SNTG1: variants seen among roughly 807,000 people sequenced by gnomAD.
The protein encoded by SNTG1 is gamma-1-syntrophin.
Under a neutral mutation model 74.7 loss-of-function variants are expected in SNTG1, and 39 were observed. The observed-to-expected ratio is 0.52, with a 90% CI of 0.40 to 0.68. The LOEUF (loss-of-function observed/expected upper bound fraction) is 0.68, where lower values mean the gene tolerates loss of function less well. Among genes scored for constraint, SNTG1 ranks in the 30% least tolerant of loss-of-function variants. The pLI is 0.00. For missense variants in SNTG1, 685 were observed against 609.5 expected, an observed-to-expected ratio of 1.12 and a Z score of -1.30; for synonymous variants, 254 against 217.1, an observed-to-expected ratio of 1.17 and a Z score of -1.49.
At chr8:50,543,617 C>T (rs1180098510) in intron 11 of SNTG1, among the ~76,000 whole-genome samples, 5 of 151,936 alleles carry the variant, frequency 3.3e-5, no homozygotes, top group Non-Finnish European at 7.4e-5. Context: ...AGGTTGCTTC[C>T]GGTTTTTGAT....
At chr8:50,660,602 T>A (rs2095217694) in intron 15 of SNTG1, among the ~76,000 whole-genome samples, 1 of 152,086 alleles carries the variant, frequency 6.6e-6, no homozygotes, top group South Asian at 2.1e-4. Context: ...ATACAACTTT[T>A]ATCATAGTAA....
At chr8:50,150,604 G>A (rs1047155499) in intron 1 of SNTG1, among the ~76,000 whole-genome samples, 1 of 152,128 alleles carries the variant, frequency 6.6e-6, no homozygotes, top group African/African-American at 2.4e-5. Context: ...TTAGCATGAA[G>A]GGTTGTTGAA....
At chr8:50,279,886 C>T (rs1335695947) in intron 2 of SNTG1, among the ~76,000 whole-genome samples, 1 of 152,174 alleles carries the variant, frequency 6.6e-6, no homozygotes, top group Non-Finnish European at 1.5e-5. Flanking sequence ...TCAATGCCTT[C>T]CCCACTGATA....
chr8:50,031,237 G>A (rs1020986044), intron 1 of SNTG1, among the ~76,000 whole-genome samples: 3 of 151,880 alleles, frequency 2.0e-5, no homozygotes, highest in Non-Finnish European at 4.4e-5. Context: ...AGGTCCTTAA[G>A]CATACAATTC....
intron 13 of SNTG1, among the ~76,000 whole-genome samples, chr8:50,640,288 T>C (rs2095064261): frequency 6.6e-6 from 1 of 152,124 alleles, no homozygotes; most frequent in African/African-American, 2.4e-5. Context: ...ATTCTGAACA[T>C]AGTACAGGTT....
chr8:50,036,008 G>T (rs775962227), intron 1 of SNTG1, among the ~76,000 whole-genome samples: 1 of 152,070 alleles, frequency 6.6e-6, no homozygotes, highest in Non-Finnish European at 1.5e-5. Context: ...AATCAATCCT[G>T]CAAAATTAAA....
intron 17 of SNTG1, among the ~76,000 whole-genome samples, chr8:50,750,075 A>G (rs6473336): frequency 1.3e-5 from 2 of 151,864 alleles, no homozygotes; most frequent in Admixed American, 6.6e-5. Context: ...ATTACATTAT[A>G]TATGATTCAT....
At chr8:50,185,655 T>C (rs1228316979) in intron 2 of SNTG1, among the ~76,000 whole-genome samples, 3 of 152,176 alleles carry the variant, frequency 2.0e-5, no homozygotes, top group Non-Finnish European at 2.9e-5. Context: ...ATATGTTAAT[T>C]GGTTAAGAGA....
chr8:49,934,377 T>C (rs1271243233), intron 1 of SNTG1, among the ~76,000 whole-genome samples: 1 of 152,118 alleles, frequency 6.6e-6, no homozygotes, highest in African/African-American at 2.4e-5. Context: ...TCATATCATT[T>C]TTGTAATATT....
At chr8:50,381,077 A>G (rs1044758025) in intron 2 of SNTG1, 1 of 152,142 alleles carries the variant, frequency 6.6e-6, no homozygotes, top group African/African-American at 2.4e-5. Flanking sequence ...ATCAAAGATG[A>G]GGTAGGGGAC....
At chr8:50,634,773 C>T (rs745914320) in intron 13 of SNTG1, among the ~76,000 whole-genome samples, 3 of 152,144 alleles carry the variant, frequency 2.0e-5, no homozygotes, top group Middle Eastern at 3.2e-3. Context: ...CACCACAAGT[C>T]AAAGTAGTGA....
At chr8:50,649,356 G>A (rs529426184) in intron 13 of SNTG1, among the ~76,000 whole-genome samples, 35 of 152,176 alleles carry the variant, frequency 2.3e-4, no homozygotes, top group Non-Finnish European at 2.8e-4. Context: ...AAAATTAGCC[G>A]GACGTTATGG....
intron 2 of SNTG1, among the ~76,000 whole-genome samples, chr8:50,192,371 T>A (rs1028760746): frequency 6.6e-6 from 1 of 152,172 alleles, no homozygotes; most frequent in Non-Finnish European, 1.5e-5. Flanking sequence ...GCCCATTTTG[T>A]TGTTACACCA....
chr8:49,992,907 T>C (rs1813825837), intron 1 of SNTG1, among the ~76,000 whole-genome samples: 2 of 152,226 alleles, frequency 1.3e-5, no homozygotes, highest in Admixed American at 6.5e-5. Context: ...ATAATTATAT[T>C]TTGATTTTGC....
At chr8:50,204,892 C>A (rs763404461) in intron 2 of SNTG1, among the ~76,000 whole-genome samples, 1 of 152,138 alleles carries the variant, frequency 6.6e-6, no homozygotes, top group Admixed American at 6.6e-5. Flanking sequence ...CTACAAAGGA[C>A]GTGAACTCAT....
intron 1 of SNTG1, among the ~76,000 whole-genome samples, chr8:50,077,823 C>T (rs1822030797): frequency 6.6e-6 from 1 of 152,056 alleles, no homozygotes; most frequent in Non-Finnish European, 1.5e-5. Context: ...TGTGTAAGCA[C>T]ATGTATGCAT....
chr8:50,764,204 A>T (rs2095607627), intron 18 of SNTG1, among the ~76,000 whole-genome samples: 1 of 151,894 alleles, frequency 6.6e-6, no homozygotes. Context: ...TGGTCTGGGC[A>T]ATGACTTTTT....
intron 15 of SNTG1, among the ~76,000 whole-genome samples, chr8:50,687,005 G>C (rs1398527136): frequency 6.6e-6 from 1 of 151,134 alleles, no homozygotes; most frequent in Non-Finnish European, 1.5e-5. Context: ...CGCAGTGGCG[G>C]GCGCCTGTAG....
chr8:50,236,430 C>T (rs193264583), intron 2 of SNTG1, among the ~76,000 whole-genome samples: 2 of 150,488 alleles, frequency 1.3e-5, no homozygotes, highest in East Asian at 2.0e-4. Context: ...TGAATGTTTA[C>T]AGAAACTTTT....
Sources: gnomAD v4.1 joint callset for allele counts (sites outside exome capture counted in the v4.1 genomes callset) on GRCh38, gnomAD v4.1.1 for gene constraint, MANE v1.5 for transcripts, NCBI Gene and HGNC (gene_info 2026-07-23, HGNC 2026-07-21) for gene names.